Variants in EXT1 observed in about 807,000 individuals in gnomAD.
The protein encoded by EXT1 is exostosin-1.
Under a neutral mutation model 82.5 loss-of-function variants are expected in EXT1, and 20 were observed. That is an observed-to-expected ratio of 0.24 (90% CI 0.17 to 0.35). The LOEUF (loss-of-function observed/expected upper bound fraction) is 0.35. Ranked by LOEUF, EXT1 falls within the 10% of genes least tolerant of loss-of-function variation. The pLI is 1.00. For missense variants in EXT1, 757 were observed against 936.5 expected, an observed-to-expected ratio of 0.81 and a Z score of 2.50; for synonymous variants, 348 against 350.8, an observed-to-expected ratio of 0.99 and a Z score of 0.09.
intron 1 of EXT1, among the ~76,000 whole-genome samples, chr8:117,955,791 A>C (rs1384149115): frequency 6.6e-6 from 1 of 152,150 alleles, no homozygotes; most frequent in African/African-American, 2.4e-5. Context: ...TCCTGGCCTG[A>C]AGCAATTTGC....
chr8:117,848,459 C>G (rs1484588443), intron 1 of EXT1, among the ~76,000 whole-genome samples: 1 of 152,192 alleles, frequency 6.6e-6, no homozygotes, highest in Non-Finnish European at 1.5e-5. Context: ...ACAGAGCCAG[C>G]TAGCTCCCTG....
At chr8:117,840,819 A>G (rs190259979) in intron 1 of EXT1, among the ~76,000 whole-genome samples, 283 of 152,342 alleles carry the variant, frequency 1.9e-3, no homozygotes, top group Non-Finnish European at 3.0e-3. Flanking sequence ...TATATTCAAC[A>G]TCAATAGTCA....
chr8:117,995,405 G>C (rs1257024170), intron 1 of EXT1, among the ~76,000 whole-genome samples: 2 of 152,208 alleles, frequency 1.3e-5, no homozygotes, highest in Non-Finnish European at 2.9e-5. Flanking sequence ...ATTCATCAAT[G>C]ATATCCCCTT....
At chr8:118,030,895 C>T (rs1004404480) in intron 1 of EXT1, among the ~76,000 whole-genome samples, 3 of 152,088 alleles carry the variant, frequency 2.0e-5, no homozygotes, top group Non-Finnish European at 2.9e-5. Context: ...GAAGAAGAAA[C>T]AAAAAGGGAT....
At chr8:117,890,853 A>G (rs925376859) in intron 1 of EXT1, among the ~76,000 whole-genome samples, 1 of 152,218 alleles carries the variant, frequency 6.6e-6, no homozygotes, top group Non-Finnish European at 1.5e-5. Flanking sequence ...GTTTCAGTGC[A>G]GCCGCTACTA....
At chr8:117,809,787 A>G (rs1423302929) in intron 8 of EXT1, among the ~76,000 whole-genome samples, 1 of 152,152 alleles carries the variant, frequency 6.6e-6, no homozygotes, top group Admixed American at 6.5e-5. Flanking sequence ...GTGATTACCT[A>G]CACCTTTTCA....
chr8:118,062,759 G>C (rs1218505049), intron 1 of EXT1, among the ~76,000 whole-genome samples: 1 of 152,176 alleles, frequency 6.6e-6, no homozygotes, highest in Non-Finnish European at 1.5e-5. Context: ...GGCCTAACTG[G>C]ATCACTGTTT....
intron 1 of EXT1, among the ~76,000 whole-genome samples, chr8:117,962,445 CAA>C (rs879585224): frequency 1.4e-5 from 2 of 140,218 alleles, no homozygotes; most frequent in African/African-American, 2.6e-5. Context: ...ACCTCATCTC[CAA>C]AAAAAAAAAA....
At chr8:117,821,115 A>C (rs1811917887) in intron 5 of EXT1, among the ~76,000 whole-genome samples, 1 of 152,248 alleles carries the variant, frequency 6.6e-6, no homozygotes, top group Admixed American at 6.5e-5. Flanking sequence ...CGAGCAACAC[A>C]GTGCAGGGAC....
rs192563248 is a variant in EXT1, at chr8:118,091,286, G to A, written c.962+18799C>T. ...TAGCTAAAGTGACAATCAAAGGCATGAGTTATTTCAAAGGTGCAAATCATC... is the reference window on the plus strand; with the variant it reads ...TAGCTAAAGTGACAATCAAAGGCATAAGTTATTTCAAAGGTGCAAATCATC... On this transcript the variant is annotated intron_variant, in intron 1 of 10. Transcript: ENST00000378204. 2.6e-5 allele frequency among the ~76,000 whole-genome samples: 4 copies of A among 152,258 alleles called. No individual in the cohort carries two copies. The East Asian group carries it at 7.7e-4, about 29-fold the overall frequency.
intron 1 of EXT1, among the ~76,000 whole-genome samples, chr8:117,996,487 T>C (rs1815541253): frequency 6.6e-6 from 1 of 152,218 alleles, no homozygotes; most frequent in African/African-American, 2.4e-5. Context: ...GACACAACGC[T>C]GCTTCAGATG....
intron 1 of EXT1, among the ~76,000 whole-genome samples, chr8:117,925,402 T>C (rs1301315690): frequency 1.3e-5 from 2 of 151,390 alleles, no homozygotes; most frequent in African/African-American, 2.4e-5. Flanking sequence ...AGGAGGAAAT[T>C]TGGCAGCATA....
intron 1 of EXT1, among the ~76,000 whole-genome samples, chr8:117,987,626 G>T (rs887188121): frequency 6.6e-6 from 1 of 152,204 alleles, no homozygotes; most frequent in Non-Finnish European, 1.5e-5. Context: ...TCTGATGTAC[G>T]TTAAAGCTCA....
chr8:118,056,165 T>C (rs1157904816), intron 1 of EXT1, among the ~76,000 whole-genome samples: 2 of 152,244 alleles, frequency 1.3e-5, no homozygotes, highest in African/African-American at 4.8e-5. Context: ...GTGCTGCAGG[T>C]GGCCCACAGG....
chr8:117,890,105 G>A (rs941289841), intron 1 of EXT1, among the ~76,000 whole-genome samples: 4 of 152,200 alleles, frequency 2.6e-5, no homozygotes, highest in Non-Finnish European at 5.9e-5. Context: ...CTGGACAACA[G>A]AGTAAGAATA....
At chr8:117,887,168 T>TAGAC (rs901786361) in intron 1 of EXT1, among the ~76,000 whole-genome samples, 1 of 152,230 alleles carries the variant, frequency 6.6e-6, no homozygotes, top group Non-Finnish European at 1.5e-5. Context: ...GTTTATGTTC[T>TAGAC]AGACCATACC....
At chr8:118,042,191 T>G (rs941535431) in intron 1 of EXT1, among the ~76,000 whole-genome samples, 1 of 152,162 alleles carries the variant, frequency 6.6e-6, no homozygotes, top group African/African-American at 2.4e-5. Flanking sequence ...CTAAGAAATC[T>G]AACTGTGATT....
intron 1 of EXT1, among the ~76,000 whole-genome samples, chr8:118,086,700 G>A (rs1817425211): frequency 1.3e-5 from 2 of 152,118 alleles, no homozygotes; most frequent in Admixed American, 1.3e-4. Context: ...TAATATGAAT[G>A]TTTCAGTATA....
Position 117,812,811 on chromosome 8 carries a change from G to A in EXT1, c.1722+61C>T, listed in dbSNP as rs1333186701. 1.4e-5 allele frequency: 20 copies of A among 1,417,442 alleles called. No homozygotes were observed. The Admixed American group carries it at 3.4e-4, about 24-fold the overall frequency. The allele number at this position is 1,417,442 out of a possible 1,614,324, so 87.8% of individuals were successfully genotyped here. On this transcript the variant is annotated intron_variant, in intron 8 of 10. Transcript: ENST00000378204. ...CACGGCTAAAAGAAGCATTAGCATC[G>A]TGCAACATGAGGTGACTGCCTGAAC... is the stretch of plus-strand genomic sequence containing the variant.
Sources: gnomAD v4.1 joint callset for allele counts (sites outside exome capture counted in the v4.1 genomes callset) on GRCh38, gnomAD v4.1.1 for gene constraint, MANE v1.5 for transcripts, NCBI Gene and HGNC (gene_info 2026-07-23, HGNC 2026-07-21) for gene names.